SPOCK3: variants seen among roughly 807,000 people sequenced by gnomAD.
SPOCK3 encodes the protein testican-3.
Under a neutral mutation model 56.6 loss-of-function variants are expected in SPOCK3, and 30 were observed. The ratio of observed to expected loss-of-function variants is 0.53; its 90% CI spans 0.40 to 0.72. The LOEUF is 0.72. Among genes scored for constraint, SPOCK3 ranks in the 30% least tolerant of loss-of-function variants. The probability of loss-of-function intolerance (pLI) is 0.00; values close to 1 mark genes in which losing one functional copy is unlikely to be tolerated. For missense variants in SPOCK3, 527 were observed against 530.0 expected (o/e 0.99, Z 0.06); for synonymous variants, 196 against 183.3 (o/e 1.07, Z -0.56).
At chr4:167,017,527 G>A (rs1268379877) in intron 3 of SPOCK3, among the ~76,000 whole-genome samples, 2 of 152,076 alleles carry the variant, frequency 1.3e-5, no homozygotes, top group African/African-American at 2.4e-5. Flanking sequence ...GTACTCAGCA[G>A]GGCTAAGTCT....
intron 2 of SPOCK3, among the ~76,000 whole-genome samples, chr4:167,070,036 C>T (rs1364198562): frequency 1.3e-5 from 2 of 151,942 alleles, no homozygotes; most frequent in Admixed American, 6.6e-5. Context: ...TATTAAGTCT[C>T]GCTTGAAAGC....
chr4:167,078,380 A>C (rs1757400756), intron 2 of SPOCK3, among the ~76,000 whole-genome samples: 1 of 129,712 alleles, frequency 7.7e-6, no homozygotes, highest in African/African-American at 2.9e-5. Context: ...TTGCAGAGGG[A>C]TCTGGAATGT....
intron 8 of SPOCK3, among the ~76,000 whole-genome samples, chr4:166,750,176 T>C (rs970869514): frequency 7.2e-5 from 11 of 152,186 alleles, no homozygotes; most frequent in African/African-American, 2.7e-4. Context: ...ATTTTCTTAT[T>C]ATTTATTAGC....
intron 8 of SPOCK3, among the ~76,000 whole-genome samples, chr4:166,743,528 C>T (rs1320735575): frequency 1.3e-5 from 2 of 152,238 alleles, no homozygotes; most frequent in African/African-American, 2.4e-5. Flanking sequence ...CAGTCTATAG[C>T]TCCTAGTGTG....
chr4:166,964,563 A>G (rs1744489325), intron 4 of SPOCK3, among the ~76,000 whole-genome samples: 1 of 151,772 alleles, frequency 6.6e-6, no homozygotes, highest in Non-Finnish European at 1.5e-5. Context: ...TATGGTATAC[A>G]ACAGGATGAG....
intron 2 of SPOCK3, among the ~76,000 whole-genome samples, chr4:167,090,978 G>A (rs1758654014): frequency 6.6e-6 from 1 of 152,088 alleles, no homozygotes; most frequent in Admixed American, 6.6e-5. Flanking sequence ...GTCTTTAAAA[G>A]TTTAACAAGT....
intron 6 of SPOCK3, among the ~76,000 whole-genome samples, chr4:166,828,269 C>T (rs1745685166): frequency 1.3e-5 from 2 of 151,754 alleles, no homozygotes; most frequent in Admixed American, 6.6e-5. Context: ...ACATTTAGTG[C>T]CATGATACAT....
intron 6 of SPOCK3, among the ~76,000 whole-genome samples, chr4:166,821,604 A>G: frequency 6.6e-6 from 1 of 152,086 alleles, no homozygotes; most frequent in Non-Finnish European, 1.5e-5. Flanking sequence ...TGCAGCAATA[A>G]AAAGGAACAA....
intron 4 of SPOCK3, among the ~76,000 whole-genome samples, chr4:166,914,946 T>C (rs1287548072): frequency 6.6e-6 from 1 of 152,126 alleles, no homozygotes; most frequent in Non-Finnish European, 1.5e-5. Flanking sequence ...ATTCTTTTTT[T>C]TATTATTATT....
At chr4:166,747,928 G>T (rs1735864019) in intron 8 of SPOCK3, among the ~76,000 whole-genome samples, 1 of 151,974 alleles carries the variant, frequency 6.6e-6, no homozygotes, top group South Asian at 2.1e-4. Flanking sequence ...CAACTTATAG[G>T]AAATGTGAAG....
intron 4 of SPOCK3, among the ~76,000 whole-genome samples, chr4:166,913,083 C>T (rs1737453804): frequency 6.6e-6 from 1 of 152,104 alleles, no homozygotes; most frequent in Non-Finnish European, 1.5e-5. Context: ...CATCTGGCAC[C>T]TTCTTAAAAG....
intron 4 of SPOCK3, among the ~76,000 whole-genome samples, chr4:166,934,257 G>A (rs998029930): frequency 2.0e-5 from 3 of 151,626 alleles, no homozygotes; most frequent in Non-Finnish European, 4.4e-5. Context: ...TTGGGAGGCC[G>A]AGACTGGTGG....
intron 7 of SPOCK3, among the ~76,000 whole-genome samples, chr4:166,783,973 G>T (rs1468649835): frequency 6.7e-5 from 10 of 149,780 alleles, no homozygotes; most frequent in African/African-American, 2.0e-4. Context: ...GTTTTTTTTT[G>T]GGGGGAGGTG....
chr4:166,967,493 T>A (rs558336403), intron 4 of SPOCK3, among the ~76,000 whole-genome samples: 5 of 152,230 alleles, frequency 3.3e-5, no homozygotes, highest in African/African-American at 1.2e-4. Flanking sequence ...TATCATAAGA[T>A]CTGGTTGTTT....
intron 8 of SPOCK3, among the ~76,000 whole-genome samples, chr4:166,744,059 C>A (rs956179420): frequency 1.3e-5 from 2 of 152,332 alleles, no homozygotes; most frequent in Admixed American, 1.3e-4. Context: ...GCAACAGAAA[C>A]TTCTGCAGAC....
rs183257018 is a variant in SPOCK3, at chr4:166,744,410, A to C, written c.932-2351T>G. On this transcript the variant is annotated intron_variant, in intron 8 of 10. Transcript: ENST00000357545. ...TGAGGGTCCTGACTGTTGGAAGGAAAAGCAACAATCAGAAAGGAATAGCAG... is the reference window on the plus strand; with the variant it reads ...TGAGGGTCCTGACTGTTGGAAGGAACAGCAACAATCAGAAAGGAATAGCAG... 9.2e-5 allele frequency among the ~76,000 whole-genome samples: 14 copies of C among 152,322 alleles called. No homozygotes were observed. The East Asian group carries it at 2.7e-3, about 29-fold the overall frequency.
At chr4:166,790,984 C>T (rs760839980) in intron 7 of SPOCK3, among the ~76,000 whole-genome samples, 9 of 152,092 alleles carry the variant, frequency 5.9e-5, no homozygotes, top group Non-Finnish European at 8.8e-5. Context: ...CAAGTTAAAG[C>T]TCAAAGGCAT....
At chr4:167,121,187 T>C (rs1336453748) in intron 2 of SPOCK3, among the ~76,000 whole-genome samples, 1 of 151,218 alleles carries the variant, frequency 6.6e-6, no homozygotes, top group African/African-American at 2.4e-5. Context: ...TTATATAAAT[T>C]CATAAGCAAA....
intron 2 of SPOCK3, among the ~76,000 whole-genome samples, chr4:167,224,785 G>A (rs894547856): frequency 1.1e-4 from 16 of 142,458 alleles, no homozygotes; most frequent in Admixed American, 2.1e-4. Flanking sequence ...TCAGCCTCCC[G>A]AGTAGCGAGT....
Sources: gnomAD v4.1 joint callset for allele counts (sites outside exome capture counted in the v4.1 genomes callset) on GRCh38, gnomAD v4.1.1 for gene constraint, MANE v1.5 for transcripts, NCBI Gene and HGNC (gene_info 2026-07-23, HGNC 2026-07-21) for gene names.